Variants in ATP6V1D observed in about 807,000 individuals in gnomAD.
ATP6V1D encodes the protein V-type proton ATPase subunit D.
ATP6V1D carries 20 observed loss-of-function variants against 39.4 expected under a neutral mutation model. The observed-to-expected ratio is 0.51, with a 90% CI of 0.36 to 0.74. The LOEUF (loss-of-function observed/expected upper bound fraction) is 0.74. ATP6V1D is among the 30% of genes least tolerant of loss of function. The pLI is 0.00. For synonymous variants in ATP6V1D, 100 were observed against 100.5 expected, an observed-to-expected ratio of 0.99 and a Z score of 0.03; for missense variants, 228 against 291.6, an observed-to-expected ratio of 0.78 and a Z score of 1.59.
In ATP6V1D at chr14:67,338,548, A is replaced by C; in HGVS notation, c.*73T>G. The C allele has an allele frequency of 7.0e-7, 1 of 1,434,002 alleles. No homozygotes were observed. Among genetic ancestry groups the C allele is most frequent in the Non-Finnish European group, 9.3e-7 (1 of 1,078,176 alleles). 88.8% of individuals were successfully genotyped at this position (1,434,002 alleles called of 1,614,324 possible). On this transcript the variant is annotated 3_prime_UTR_variant, in exon 9 of 9. Coordinates refer to ENST00000216442, the MANE Select transcript of ATP6V1D (RefSeq NM_015994.4). ...TAGGCCAAAAAATAAATAGCCACAC[A>C]AATCAAACCTACACACTGTGAATTA...
chr14:67,353,852 G>C (rs1385024001), intron 1 of ATP6V1D: 1 of 152,032 alleles, frequency 6.6e-6, no homozygotes, highest in Non-Finnish European at 1.5e-5. Context: ...GCAGTGGTAT[G>C]ATCATAGCTT....
At chr14:67,355,868 G>T (rs955754720) in intron 1 of ATP6V1D, among the ~76,000 whole-genome samples, 1 of 151,946 alleles carries the variant, frequency 6.6e-6, no homozygotes, top group African/African-American at 2.4e-5. Flanking sequence ...GGCATGGTAG[G>T]GCACACCGGT....
chr14:67,359,604 C>G, intron 1 of ATP6V1D, 54 bp downstream of exon 1: 1 of 1,604,796 alleles, frequency 6.2e-7, no homozygotes, highest in Non-Finnish European at 8.5e-7. Context: ...CTGAAGGGAC[C>G]GCGCTCCGGG....
At chr14:67,343,493 G>T in intron 6 of ATP6V1D, 55 bp from the exon 7 acceptor site, 1 of 1,236,138 alleles carries the variant, frequency 8.1e-7, no homozygotes, top group Non-Finnish European at 1.2e-6. Context: ...ATCATTCCCT[G>T]ATCACTTGAC....
chr14:67,342,526 TGAACTCTGAGGGTAA>T, intron 7 of ATP6V1D, among the ~76,000 whole-genome samples: 1 of 149,882 alleles, frequency 6.7e-6, no homozygotes, highest in African/African-American at 2.4e-5. Flanking sequence ...TTCTAGAATG[TGAACTCTGAGGGTAA>T]GAACTACGAA....
intron 1 of ATP6V1D, among the ~76,000 whole-genome samples, chr14:67,354,882 C>T (rs1275976732): frequency 1.3e-5 from 2 of 152,172 alleles, no homozygotes; most frequent in East Asian, 1.9e-4. Flanking sequence ...GGCGCGATCT[C>T]GGCTCACTGC....
chr14:67,350,033 G>T (rs1333813744), intron 3 of ATP6V1D, among the ~76,000 whole-genome samples: 4 of 152,224 alleles, frequency 2.6e-5, no homozygotes, highest in Non-Finnish European at 5.9e-5. Flanking sequence ...AACAATGCTT[G>T]CCTTACCTAT....
chr14:67,347,325 C>T, intron 5 of ATP6V1D, 84 bp downstream of exon 5: 2 of 1,098,920 alleles, frequency 1.8e-6, no homozygotes, highest in Non-Finnish European at 2.7e-6. Context: ...CAACATCTAG[C>T]ACCATTTTCC....
chr14:67,351,702 G>T (rs1017465889), intron 2 of ATP6V1D, among the ~76,000 whole-genome samples: 2 of 151,384 alleles, frequency 1.3e-5, no homozygotes, highest in Non-Finnish European at 2.9e-5. Context: ...CTTCTTTTTT[G>T]TAGAGACAAG....
intron 4 of ATP6V1D, among the ~76,000 whole-genome samples, chr14:67,347,691 G>C (rs923537462): frequency 6.6e-6 from 1 of 151,758 alleles, no homozygotes; most frequent in Non-Finnish European, 1.5e-5. Flanking sequence ...GTAGACACGG[G>C]GTTTCTCCAT....
At chr14:67,346,317 T>G (rs1461719391) in intron 5 of ATP6V1D, among the ~76,000 whole-genome samples, 7 of 152,236 alleles carry the variant, frequency 4.6e-5, no homozygotes, top group Non-Finnish European at 1.5e-5. Flanking sequence ...TATTATTTGT[T>G]TATTTATTTA....
chr14:67,349,072 T>C lies in ATP6V1D; in HGVS notation c.272A>G (p.Gln91Arg). The C allele has an allele frequency of 6.2e-7, 1 of 1,614,150 alleles. No homozygotes were observed. Among genetic ancestry groups the C allele is most frequent in the African/African-American group, 1.3e-5 (1 of 75,060 alleles). ...TTVIQNVNKA[Q>R]VKIRAKKDNV... is the part of the protein sequence containing the mutation. ...ATCTTTCTTCGCTCGAATCTTCACT[T>C]GCGCTTTATTGACATTTTGGATAAC... The change falls in exon 4 of 9, where the codon CAA becomes CGA. Residue 91 changes from glutamine to arginine, a missense_variant. By Grantham distance (43) the Gln-to-Arg change is conservative (BLOSUM62 1). Transcript: ENST00000216442.
In ATP6V1D at chr14:67,338,376, T is replaced by C. The variant is rs2085555376; in HGVS notation, c.*245A>G. 2.3e-6 allele frequency: 1 copy of C among 430,206 alleles called. No homozygotes were observed. Among genetic ancestry groups the C allele is most frequent in the African/African-American group, 2.0e-5 (1 of 49,812 alleles). 26.6% of individuals were successfully genotyped at this position (430,206 alleles called of 1,614,324 possible). ...TAACACAGATGTAAATGGAGTATGA[T>C]AACGCTTCTGCAAAGTAAATTCTGT... is the stretch of plus-strand genomic sequence containing the variant. On this transcript the variant is annotated 3_prime_UTR_variant, in exon 9 of 9. Coordinates refer to ENST00000216442, the MANE Select transcript of ATP6V1D (RefSeq NM_015994.4).
At chr14:67,342,899 A>G (rs1057451772) in intron 7 of ATP6V1D, among the ~76,000 whole-genome samples, 2 of 152,148 alleles carry the variant, frequency 1.3e-5, no homozygotes, top group African/African-American at 2.4e-5. Flanking sequence ...CTAAGCAGTC[A>G]TATTTTTTAA....
intron 4 of ATP6V1D, among the ~76,000 whole-genome samples, chr14:67,348,077 T>TC (rs2141102513): frequency 7.1e-6 from 1 of 141,436 alleles, no homozygotes; most frequent in East Asian, 2.0e-4. Context: ...GCCCAGCTAA[T>TC]TTTTTTTTTT....
chr14:67,348,914 C>A, intron 4 of ATP6V1D, 123 bp downstream of exon 4: 1 of 897,242 alleles, frequency 1.1e-6, no homozygotes, highest in South Asian at 1.7e-5. Flanking sequence ...CATGTAAAGC[C>A]AATCAACTTG....
At chr14:67,356,362 A>T (rs1035473906) in intron 1 of ATP6V1D, among the ~76,000 whole-genome samples, 1 of 151,788 alleles carries the variant, frequency 6.6e-6, no homozygotes. Flanking sequence ...CAGAGGTTGC[A>T]GTGAGCCAAG....
At chr14:67,354,962 C>A (rs865966137) in intron 1 of ATP6V1D, among the ~76,000 whole-genome samples, 6 of 152,058 alleles carry the variant, frequency 3.9e-5, no homozygotes, top group Admixed American at 6.5e-5. Context: ...TACAGGCATG[C>A]GTCACCATGC....
chr14:67,343,385 A>G lies in ATP6V1D; in HGVS notation c.510T>C (p.Asn170=). The change falls in exon 7 of 9, where the codon AAT becomes AAC. Residue 170 remains asparagine, a synonymous_variant. Coordinates refer to ENST00000216442, the MANE Select transcript of ATP6V1D (RefSeq NM_015994.4). ...EAIKITNRRV[N]AIEHVIIPRI... is the part of the protein sequence containing the mutation. ...CCTAATACTCACCATGTTCAATGGC[A>G]TTTACACGCCTGTTGGTTATCTTAA... 6.2e-7 allele frequency: 1 copy of G among 1,612,228 alleles called. No individual in the cohort carries two copies. The highest frequency in any genetic ancestry group is 1.1e-5 in the South Asian group (1 of 90,956).
Sources: gnomAD v4.1 joint callset for allele counts (sites outside exome capture counted in the v4.1 genomes callset) on GRCh38, gnomAD v4.1.1 for gene constraint, MANE v1.5 for transcripts, NCBI Gene and HGNC (gene_info 2026-07-23, HGNC 2026-07-21) for gene names.